The following G3BP1 variants were observed in gnomAD, a reference collection of about 807,000 sequenced individuals.
G3BP1 encodes the protein ras GTPase-activating protein-binding protein 1.
In G3BP1, 35 loss-of-function variants were observed where a neutral mutation model predicts 58.6. The observed-to-expected ratio is 0.60, with a 90% confidence interval of 0.46 to 0.79. G3BP1 has a LOEUF of 0.79. Among genes scored for constraint, G3BP1 ranks in the 30% least tolerant of loss-of-function variants. G3BP1 has a pLI of 0.00. For synonymous variants in G3BP1, 191 were observed against 195.4 expected (o/e 0.98, Z 0.19); for missense variants, 523 against 580.8 (o/e 0.90, Z 1.02).
At chr5:151,795,976 G>GT (rs1762742363) in intron 6 of G3BP1, among the ~76,000 whole-genome samples, 2 of 152,204 alleles carry the variant, frequency 1.3e-5, no homozygotes, top group Non-Finnish European at 2.9e-5. Flanking sequence ...TGTGAGTTAA[G>GT]TAGCAATAAA....
intron 10 of G3BP1, among the ~76,000 whole-genome samples, 173 bp downstream of exon 10, chr5:151,800,519 C>T (rs909383779): frequency 7.2e-5 from 11 of 151,806 alleles, no homozygotes; most frequent in Non-Finnish European, 1.5e-5. Flanking sequence ...AAGGCATTGT[C>T]ATTTCAACAT....
chr5:151,781,595 A>C (rs1460083072), intron 1 of G3BP1, among the ~76,000 whole-genome samples: 1 of 152,230 alleles, frequency 6.6e-6, no homozygotes, highest in Non-Finnish European at 1.5e-5. Context: ...AGAAACAGAA[A>C]AGTTATGACA....
intron 1 of G3BP1, among the ~76,000 whole-genome samples, chr5:151,782,948 G>T (rs1347084327): frequency 2.8e-5 from 4 of 142,414 alleles, no homozygotes; most frequent in African/African-American, 8.0e-5. Flanking sequence ...ACCTCCGTCT[G>T]CTAGGTTCAA....
chr5:151,789,663 A>G (rs1457239426), intron 2 of G3BP1, among the ~76,000 whole-genome samples: 2 of 152,236 alleles, frequency 1.3e-5, no homozygotes, highest in Non-Finnish European at 2.9e-5. Flanking sequence ...GAAGTCTATG[A>G]AGAAGATAGC....
At chr5:151,789,722 A>C (rs1378526933) in intron 2 of G3BP1, among the ~76,000 whole-genome samples, 2 of 152,184 alleles carry the variant, frequency 1.3e-5, no homozygotes, top group African/African-American at 2.4e-5. Context: ...ATAGGAACTT[A>C]TGTATTGGTG....
rs1581577835 is a variant in G3BP1 at position 151,790,960 on chromosome 5, T to C, written c.249T>C (p.His83=). 6.2e-7 allele frequency: 1 copy of C among 1,612,248 alleles called. No individual in the cohort carries two copies. The highest frequency in any genetic ancestry group is 8.5e-7 in the Non-Finnish European group (1 of 1,178,860). Residue 83 remains histidine (H), a synonymous_variant, in exon 4 of 12, where the codon CAT becomes CAC. Transcript: ENST00000356245. ...CHTKIRHVDA[H]ATLNDGVVVQ... ...CCAAGATTCGCCATGTTGATGCTCA[T>C]GCCACGCTAAATGATGGTGTGGTAG...
chr5:151,779,197 A>G (rs959602090), intron 1 of G3BP1, among the ~76,000 whole-genome samples: 5 of 152,058 alleles, frequency 3.3e-5, no homozygotes, highest in South Asian at 2.1e-4. Context: ...TACGTGATCA[A>G]TTCGCTTTCT....
intron 7 of G3BP1, among the ~76,000 whole-genome samples, chr5:151,797,914 T>C (rs1485867352): frequency 6.6e-6 from 1 of 152,250 alleles, no homozygotes; most frequent in African/African-American, 2.4e-5. Context: ...TTCAGAAGTT[T>C]TCAGTTTGTC....
intron 2 of G3BP1, chr5:151,787,842 CATAAA>C (rs1762577057): frequency 1.3e-5 from 1 of 76,816 alleles, no homozygotes. Context: ...ATTTTCAATT[CATAAA>C]ATAAAATTTA....
chr5:151,811,900 T>C lies in G3BP1; in HGVS notation c.*7809T>C, dbSNP rs1763023596. On this transcript the variant is annotated 3_prime_UTR_variant, in exon 12 of 12. Transcript: ENST00000356245. ...AAAGACATACTATCACATTTTCTTC[T>C]TCATAAGGATGAGGAACTTTGTAAT... 6.6e-6 allele frequency: 1 copy of C among 152,216 alleles called. No homozygotes were observed. Among genetic ancestry groups the C allele is most frequent in the African/African-American group, 2.4e-5 (1 of 41,454 alleles). 9.4% of individuals were successfully genotyped at this position (152,216 alleles called of 1,614,324 possible).
chr5:151,773,292 C>T (rs990452802), intron 1 of G3BP1, among the ~76,000 whole-genome samples: 3 of 151,376 alleles, frequency 2.0e-5, no homozygotes, highest in African/African-American at 7.3e-5. Context: ...GGTTAAAATA[C>T]GGAATTGGAA....
intron 5 of G3BP1, among the ~76,000 whole-genome samples, chr5:151,794,463 T>G (rs1223512026): frequency 1.3e-5 from 2 of 152,204 alleles, no homozygotes; most frequent in African/African-American, 4.8e-5. Context: ...CATAAGACTC[T>G]TAGGTCAGAA....
chr5:151,787,746 T>A (rs542938685), intron 2 of G3BP1: 24 of 285,234 alleles, frequency 8.4e-5, no homozygotes, highest in Non-Finnish European at 1.5e-4. Flanking sequence ...AACTATTTTT[T>A]CCCTTACACC....
At chr5:151,781,418 T>TA (rs1276118985) in intron 1 of G3BP1, among the ~76,000 whole-genome samples, 1 of 152,246 alleles carries the variant, frequency 6.6e-6, no homozygotes, top group Non-Finnish European at 1.5e-5. Context: ...TGTGTGATGC[T>TA]AATCATCTTT....
chr5:151,787,025 T>G (rs1396060832), intron 2 of G3BP1: 1 of 167,812 alleles, frequency 6.0e-6, no homozygotes, highest in East Asian at 1.6e-4. Flanking sequence ...GTATTTTTTT[T>G]TTTTTTTTTT....
intron 2 of G3BP1, among the ~76,000 whole-genome samples, chr5:151,788,762 C>T (rs927534821): frequency 1.3e-5 from 2 of 151,810 alleles, no homozygotes; most frequent in African/African-American, 4.8e-5. Flanking sequence ...TATGGGTGCG[C>T]ACCACCACCA....
chr5:151,790,750 C>G, intron 3 of G3BP1, 139 bp from the exon 4 acceptor site: 1 of 593,908 alleles, frequency 1.7e-6, no homozygotes, highest in African/African-American at 1.9e-5. Context: ...AAAGAAACAT[C>G]AAAATTCAGT....
At position 151,810,728 on chromosome 5, in the gene G3BP1, T is replaced by A. The variant is rs1194593035; in HGVS notation, c.*6637T>A. ...TACTGAGTTGAATAACTTAATATATTTCTGTTTTCATTCCCAAGGGAGGCC... is the reference window on the plus strand; with the variant it reads ...TACTGAGTTGAATAACTTAATATATATCTGTTTTCATTCCCAAGGGAGGCC... On this transcript the variant is annotated 3_prime_UTR_variant, in exon 12 of 12. Transcript: ENST00000356245. 1 of 152,146 alleles carries A rather than the reference T, an allele frequency of 6.6e-6. No individual in the cohort carries two copies. Among genetic ancestry groups the A allele is most frequent in the Non-Finnish European group, 1.5e-5 (1 of 68,036 alleles). The allele number at this position is 152,146 out of a possible 1,614,324, so 9.4% of individuals were successfully genotyped here.
chr5:151,802,114 G>C (rs978398173), intron 11 of G3BP1, among the ~76,000 whole-genome samples: 2 of 152,182 alleles, frequency 1.3e-5, no homozygotes, highest in African/African-American at 4.8e-5. Flanking sequence ...AATGCACCTG[G>C]CCTTACTGCA....
Sources: gnomAD v4.1 joint callset for allele counts (sites outside exome capture counted in the v4.1 genomes callset) on GRCh38, gnomAD v4.1.1 for gene constraint, MANE v1.5 for transcripts, NCBI Gene and HGNC (gene_info 2026-07-23, HGNC 2026-07-21) for gene names.